The following KIF13B variants were observed in gnomAD, a reference collection of about 807,000 sequenced individuals.
The protein encoded by KIF13B is kinesin family member 13B, also known as kinesin-like protein KIF13B.
KIF13B carries 127 observed loss-of-function variants against 222.0 expected under a neutral mutation model. The observed-to-expected ratio is 0.57, with a 90% CI of 0.50 to 0.66. The LOEUF is 0.66. Among genes scored for constraint, KIF13B ranks in the 30% least tolerant of loss-of-function variants. The pLI, the probability that KIF13B is intolerant of heterozygous loss-of-function variation, is 0.00. For synonymous variants in KIF13B, 976 were observed against 919.0 expected (o/e 1.06, Z -1.12); for missense variants, 2,173 against 2,379.0 (o/e 0.91, Z 1.80).
At chr8:29,103,220 C>T (rs997798654) in intron 35 of KIF13B, among the ~76,000 whole-genome samples, 3 of 135,726 alleles carry the variant, frequency 2.2e-5, no homozygotes, top group Non-Finnish European at 3.1e-5. Context: ...CCGGCCTGGG[C>T]GAAAGAGTGA....
intron 30 of KIF13B, among the ~76,000 whole-genome samples, chr8:29,117,263 A>G (rs1430103661): frequency 2.0e-5 from 3 of 152,190 alleles, no homozygotes; most frequent in Admixed American, 6.5e-5. Context: ...AATGTCAAGA[A>G]AAGTTGCAAA....
chr8:29,141,108 C>A (rs551938031), intron 19 of KIF13B, among the ~76,000 whole-genome samples: 1 of 151,908 alleles, frequency 6.6e-6, no homozygotes, highest in Non-Finnish European at 1.5e-5. Context: ...CCAAGGCAGG[C>A]GGGTCACCTG....
At chr8:29,203,866 C>T (rs1367869572) in intron 2 of KIF13B, among the ~76,000 whole-genome samples, 4 of 138,188 alleles carry the variant, frequency 2.9e-5, no homozygotes, top group Admixed American at 8.1e-5. Context: ...TGCACTCCAG[C>T]CTGGGTGACA....
At position 29,109,522 on chromosome 8, in the gene KIF13B, G is replaced by A. The variant is rs1351816299; in HGVS notation, c.4084-11C>T. On this transcript the variant is annotated splice_polypyrimidine_tract_variant and intron_variant, in intron 33 of 39. Coordinates refer to ENST00000524189, the MANE Select transcript of KIF13B (RefSeq NM_015254.4). ...CTTCACTGCAACTTCCTGTGAATCA[G>A]AAAACATACAGAGGAAAAAGACATG... 1 of 1,611,094 alleles carries A rather than the reference G, an allele frequency of 6.2e-7. No individual in the cohort carries two copies. Among genetic ancestry groups the A allele is most frequent in the East Asian group, 2.2e-5 (1 of 44,870 alleles).
chr8:29,178,473 ACAT>A (rs1249629195), intron 8 of KIF13B, among the ~76,000 whole-genome samples: 2 of 152,190 alleles, frequency 1.3e-5, no homozygotes, highest in Non-Finnish European at 2.9e-5. Flanking sequence ...CTTATCAAGC[ACAT>A]ACATGTAACA....
chr8:29,190,843 A>G (rs772082486), intron 4 of KIF13B, 154 bp downstream of exon 4: 3 of 722,954 alleles, frequency 4.1e-6, no homozygotes, highest in East Asian at 2.6e-5. Flanking sequence ...ATTTGGTCAC[A>G]TTAAGTCATC....
intron 1 of KIF13B, among the ~76,000 whole-genome samples, chr8:29,258,641 T>C (rs1490951430): frequency 1.3e-5 from 2 of 152,056 alleles, no homozygotes; most frequent in Non-Finnish European, 2.9e-5. Context: ...AGTCTCTGTG[T>C]CCTCACTCTC....
intron 7 of KIF13B, among the ~76,000 whole-genome samples, chr8:29,180,520 C>G (rs1236632442): frequency 6.6e-6 from 1 of 152,194 alleles, no homozygotes; most frequent in Non-Finnish European, 1.5e-5. Context: ...AAGTATGCCA[C>G]ACCAACCCTC....
At chr8:29,260,048 T>C (rs942170380) in intron 1 of KIF13B, among the ~76,000 whole-genome samples, 19 of 152,344 alleles carry the variant, frequency 1.2e-4, no homozygotes, top group East Asian at 1.9e-4. Flanking sequence ...AATGTTAAAA[T>C]AAATGTATGA....
In KIF13B at chr8:29,068,393, T is replaced by C. The variant is rs967157532; in HGVS notation, c.*2111A>G. On this transcript the variant is annotated 3_prime_UTR_variant, in exon 40 of 40. Coordinates refer to ENST00000524189, the MANE Select transcript of KIF13B (RefSeq NM_015254.4). The surrounding 1 kb of genome is among the most constrained non-coding windows in gnomAD (Gnocchi z 4.4). ...GCCTTGGTGACCACGTCACTGCACA[T>C]CCCTCTTTCCCAGCCACAAGCTGAC... 2.6e-5 allele frequency: 4 copies of C among 151,782 alleles called. No individual in the cohort carries two copies. The highest frequency in any genetic ancestry group is 9.7e-5 in the African/African-American group (4 of 41,244). 9.4% of individuals were successfully genotyped at this position (151,782 alleles called of 1,614,324 possible).
chr8:29,110,603 T>C (rs1438771429), intron 32 of KIF13B: 2 of 153,718 alleles, frequency 1.3e-5, no homozygotes, highest in African/African-American at 4.8e-5. Flanking sequence ...GCTTCTAGAA[T>C]TGGTTCAATC....
intron 37 of KIF13B, among the ~76,000 whole-genome samples, chr8:29,083,468 G>A (rs1408052065): frequency 4.6e-5 from 7 of 152,104 alleles, no homozygotes; most frequent in South Asian, 2.1e-4. Flanking sequence ...CTCTTCAATC[G>A]ACTTCTTTAC....
chr8:29,126,710 C>T (rs1810127366), intron 25 of KIF13B, among the ~76,000 whole-genome samples, 199 bp from the exon 26 acceptor site: 1 of 152,122 alleles, frequency 6.6e-6, no homozygotes, highest in Non-Finnish European at 1.5e-5. Context: ...AAGAGTGAAG[C>T]ACACTCATTT....
chr8:29,077,945 A>G (rs1457609038), intron 37 of KIF13B, among the ~76,000 whole-genome samples: 1 of 151,958 alleles, frequency 6.6e-6, no homozygotes, highest in Non-Finnish European at 1.5e-5. Flanking sequence ...CACATAAGCA[A>G]ATCACTAAAA....
chr8:29,100,446 A>T (rs1808735590), intron 35 of KIF13B, among the ~76,000 whole-genome samples: 2 of 152,104 alleles, frequency 1.3e-5, no homozygotes, highest in African/African-American at 4.8e-5. Flanking sequence ...TGCTGCACAG[A>T]TGAATAATCC....
chr8:29,070,739 T>C lies in KIF13B; in HGVS notation c.5246A>G (p.Lys1749Arg). 5 of 1,565,358 alleles carry C rather than the reference T, an allele frequency of 3.2e-6. No individual in the cohort carries two copies. The highest frequency in any genetic ancestry group is 4.3e-6 in the Non-Finnish European group (5 of 1,155,466). Reference sequence around the variant, plus strand: ...GCCAGGGTTACACCTGAAGTACTGCTTCCCGCCGATGGAACCGTCATTCTT... The same window carrying C: ...GCCAGGGTTACACCTGAAGTACTGCCTCCCGCCGATGGAACCGTCATTCTT... ...SGKNDGSIGG[K>R]QYFRCNPGYG... Residue 1749 changes from lysine (K) to arginine (R), a missense_variant, in exon 40 of 40, where the codon AAG becomes AGG. Transcript: ENST00000524189. The surrounding 1 kb of genome is among the most constrained non-coding windows in gnomAD (Gnocchi z 4.1).
At chr8:29,124,867 G>C (rs1485360761) in intron 26 of KIF13B, among the ~76,000 whole-genome samples, 1 of 136,130 alleles carries the variant, frequency 7.3e-6, no homozygotes, top group Non-Finnish European at 1.6e-5. Context: ...TGGGCAACAA[G>C]AACAAAACTC....
At chr8:29,116,206 T>C (rs561646032) in intron 31 of KIF13B, among the ~76,000 whole-genome samples, 1 of 152,212 alleles carries the variant, frequency 6.6e-6, no homozygotes, top group Non-Finnish European at 1.5e-5. Context: ...TCATTTCTTA[T>C]TCACCTTTTT....
intron 37 of KIF13B, among the ~76,000 whole-genome samples, chr8:29,087,005 C>T (rs1808074457): frequency 6.6e-6 from 1 of 152,236 alleles, no homozygotes; most frequent in South Asian, 2.1e-4. Flanking sequence ...GCACTGGATG[C>T]CTCACGCAGA....
Sources: gnomAD v4.1 joint callset for allele counts (sites outside exome capture counted in the v4.1 genomes callset) on GRCh38, gnomAD v4.1.1 for gene constraint, Gnocchi (gnomAD v3.1) non-coding constraint, MANE v1.5 for transcripts, NCBI Gene and HGNC (gene_info 2026-07-23, HGNC 2026-07-21) for gene names.